TEX11: variants seen among roughly 807,000 people sequenced by gnomAD.
The protein encoded by TEX11 is testis-expressed protein 11.
A neutral mutation model predicts 84.4 loss-of-function variants in TEX11; 7 were observed. That is an observed-to-expected ratio of 0.08 (90% confidence interval 0.05 to 0.16). TEX11 has a LOEUF of 0.16. Ranked by LOEUF, TEX11 falls within the 10% of genes least tolerant of loss-of-function variation. The pLI is 1.00. For synonymous variants in TEX11, 264 were observed against 222.8 expected, an observed-to-expected ratio of 1.18 and a Z score of -1.64; for missense variants, 551 against 660.5, an observed-to-expected ratio of 0.83 and a Z score of 1.82.
the TEX11 span, among the ~76,000 whole-genome samples, chrX:70,516,120 G>A: frequency 8.9e-6 from 1 of 112,102 alleles, no homozygotes; most frequent in Non-Finnish European, 1.9e-5. Flanking sequence ...AAGCTCTTTA[G>A]TTTAATTAGA....
At chrX:70,831,297 A>C (rs1218528628) in intron 8 of TEX11, among the ~76,000 whole-genome samples, 1 of 111,297 alleles carries the variant, frequency 9.0e-6, no homozygotes, top group Non-Finnish European at 1.9e-5. Flanking sequence ...GGTGGTTGCC[A>C]GGGGGTTGGG....
rs16991177 is a variant in TEX11 at position 70,552,150 on chromosome X, A to G, written c.2496T>C (p.Asp832=). The G allele has an allele frequency of 0.062, 75,431 of 1,209,064 alleles. 3,399 individuals are homozygous for G. The highest frequency in any genetic ancestry group is 0.33 in the Admixed American group (14,921 of 45,424). Residue 832 remains aspartate, a synonymous_variant, in exon 28 of 30, where the codon GAT becomes GAC. Transcript: ENST00000374333. Reference sequence around the variant, plus strand: ...CAGTGCGGCTAATGTGGCTCAGAGCATCTTCAAAATAGCCCCAAACTTCTT... The same window carrying G: ...CAGTGCGGCTAATGTGGCTCAGAGCGTCTTCAAAATAGCCCCAAACTTCTT... ...PLEEVWGYFE[D]ALSHISRTKD...
rs2089314046 is a variant in TEX11 at position 70,616,060 on chromosome X, G to A, written c.1752-5517C>T. The stretch of plus-strand genomic sequence containing the variant: ...GTACTTTAATCAGAAATGAAAGGAT[G>A]TTAATGAGCAAGAAAAAAGCATCTG... On this transcript the variant is annotated intron_variant, in intron 20 of 29. Transcript: ENST00000374333. Among the ~76,000 whole-genome samples, 4 of 111,337 alleles carry A rather than the reference G, an allele frequency of 3.6e-5. No individual in the cohort carries two copies. The South Asian group carries it at 1.5e-3, about 42-fold the overall frequency.
chrX:70,599,676 C>G (rs1344911347), intron 24 of TEX11, among the ~76,000 whole-genome samples: 1 of 80,697 alleles, frequency 1.2e-5, no homozygotes, highest in African/African-American at 4.6e-5. Flanking sequence ...CCCCTCCCCC[C>G]ACCCCACAAC....
chrX:70,570,133 G>A lies in TEX11; in HGVS notation c.2141-15333C>T, dbSNP rs747507093. On this transcript the variant is annotated intron_variant, in intron 25 of 29. Transcript: ENST00000374333. ...TGGCAGGCACCCCTCCCCCGGCCTC[G>A]CTGCCGCCTTGCAGTTTGATCTCAG... Among the ~76,000 whole-genome samples, 401 of 111,698 alleles carry A rather than the reference G, an allele frequency of 3.6e-3. 3 individuals carry two copies. Among genetic ancestry groups the A allele is most frequent in the African/African-American group, 0.012 (378 of 30,820 alleles).
At chrX:70,574,481 C>A (rs891835597) in intron 25 of TEX11, among the ~76,000 whole-genome samples, 2 of 111,585 alleles carry the variant, frequency 1.8e-5, no homozygotes, top group East Asian at 2.8e-4. Context: ...CCAGAGTATA[C>A]GCTGATAATG....
intron 20 of TEX11, among the ~76,000 whole-genome samples, chrX:70,615,045 T>G (rs977582386): frequency 1.8e-5 from 2 of 110,972 alleles, no homozygotes; most frequent in Non-Finnish European, 3.8e-5. Flanking sequence ...CAAGTACTTT[T>G]AAATATCACG....
At chrX:70,846,713 G>A (rs986688881) in intron 7 of TEX11, among the ~76,000 whole-genome samples, 6 of 111,663 alleles carry the variant, frequency 5.4e-5, no homozygotes, top group African/African-American at 2.0e-4. Context: ...TGCTTGAGGC[G>A]AGGAGTTCAA....
intron 4 of TEX11, among the ~76,000 whole-genome samples, chrX:70,862,401 C>T (rs1460165934): frequency 2.7e-5 from 3 of 111,616 alleles, no homozygotes; most frequent in Non-Finnish European, 3.8e-5. Context: ...GCTAACACCA[C>T]TTCTAATTAA....
At chrX:70,575,861 T>G (rs143198503) in intron 25 of TEX11, among the ~76,000 whole-genome samples, 1,297 of 111,693 alleles carry the variant, frequency 0.012, 18 homozygotes, top group African/African-American at 0.04. Flanking sequence ...TCTTGAAGAG[T>G]AAGTTCAAAT....
chrX:70,675,193 GA>G (rs1216490814), intron 15 of TEX11, among the ~76,000 whole-genome samples: 5 of 111,250 alleles, frequency 4.5e-5, no homozygotes, highest in Admixed American at 1.9e-4. Flanking sequence ...GTAATAATAC[GA>G]AAAAAATCTT....
intron 24 of TEX11, among the ~76,000 whole-genome samples, chrX:70,598,160 G>A (rs1372494035): frequency 2.7e-5 from 3 of 112,036 alleles, no homozygotes; most frequent in Non-Finnish European, 5.6e-5. Context: ...CAGCTTGGGT[G>A]ACAGAACAAG....
At position 70,906,094 on chromosome X, in the gene TEX11, T is replaced by A. The variant is rs1412567246; in HGVS notation, c.37+1659A>T. ...AAAAAAAAAAAAAAAAAAAAAAATA[T>A]ATATATATATATATATATATATATA... On this transcript the variant is annotated intron_variant, in intron 2 of 29. Coordinates refer to ENST00000374333, the MANE Select transcript of TEX11 (RefSeq NM_031276.3). 2.3e-3 allele frequency among the ~76,000 whole-genome samples: 9 copies of A among 3,840 alleles called. 2 individuals carry two copies. Among genetic ancestry groups the A allele is most frequent in the African/African-American group, 0.013 (8 of 627 alleles). 3.3% of individuals were successfully genotyped at this position (3,840 alleles called of 115,157 possible). A position where few individuals can be genotyped will look rare whatever the true frequency, so the allele number is the denominator to read the frequency against.
At chrX:70,817,361 T>C (rs2091294096) in intron 8 of TEX11, among the ~76,000 whole-genome samples, 1 of 110,038 alleles carries the variant, frequency 9.1e-6, no homozygotes, top group South Asian at 4.0e-4. Context: ...AATGCCCAGA[T>C]CTTGGCTTCT....
rs1401892562 is a variant in TEX11, at chrX:70,779,414, C to CAA, written c.692+27289_692+27290dup. Among the ~76,000 whole-genome samples the CAA allele has an allele frequency of 4.4e-3, 187 of 42,462 alleles. 8 individuals carry two copies. In the East Asian group the frequency reaches 0.076, roughly 17 times the overall value. 36.9% of individuals were successfully genotyped at this position (42,462 alleles called of 115,157 possible). A position where few individuals can be genotyped will look rare whatever the true frequency, so the allele number is the denominator to read the frequency against. The stretch of plus-strand genomic sequence containing the variant: ...TTGGCAACAGAGTGAGACCCCGTCT[C>CAA]AAAAAAAAAAAAAAAAAAGAAAGTT... On this transcript the variant is annotated intron_variant, in intron 9 of 29. Coordinates refer to ENST00000374333, the MANE Select transcript of TEX11 (RefSeq NM_031276.3).
At chrX:70,674,218 A>C (rs912344407) in intron 15 of TEX11, among the ~76,000 whole-genome samples, 6 of 112,399 alleles carry the variant, frequency 5.3e-5, no homozygotes, top group Non-Finnish European at 1.1e-4. Flanking sequence ...ATGTTCCCGC[A>C]AAAGACATGA....
chrX:70,656,319 T>A (rs1290689359), intron 16 of TEX11, among the ~76,000 whole-genome samples: 2 of 109,466 alleles, frequency 1.8e-5, no homozygotes, highest in African/African-American at 3.3e-5. Context: ...TCCCAGCTAC[T>A]CAGGAGGTTA....
chrX:70,668,891 T>C (rs1401090734), intron 16 of TEX11, among the ~76,000 whole-genome samples: 2 of 111,728 alleles, frequency 1.8e-5, no homozygotes, highest in African/African-American at 6.5e-5. Context: ...TCTACTTTGC[T>C]CTTTCTAGTA....
chrX:70,818,446 A>G (rs1164696731), intron 8 of TEX11, among the ~76,000 whole-genome samples: 1 of 111,537 alleles, frequency 9.0e-6, no homozygotes, highest in Non-Finnish European at 1.9e-5. Flanking sequence ...GTAGCTCAAT[A>G]CTTAGAGGTA....
Sources: allele counts gnomAD v4.1 joint callset (sites outside exome capture counted in the v4.1 genomes callset), GRCh38; gene constraint gnomAD v4.1.1; transcripts MANE v1.5; gene names NCBI Gene and HGNC (gene_info 2026-07-23, HGNC 2026-07-21).